Variants in HSP90AA1 observed in about 807,000 individuals in gnomAD.
HSP90AA1 encodes heat shock protein HSP 90-alpha.
A neutral mutation model predicts 73.3 loss-of-function variants in HSP90AA1; 18 were observed. That is an observed-to-expected ratio of 0.25 (90% CI 0.17 to 0.36). The LOEUF (loss-of-function observed/expected upper bound fraction) is 0.36. HSP90AA1 is among the 10% of genes least tolerant of loss of function. HSP90AA1 has a pLI of 1.00. For synonymous variants in HSP90AA1, 477 were observed against 296.9 expected (o/e 1.61, Z -6.24); for missense variants, 704 against 874.2 (o/e 0.81, Z 2.45).
exon 2 of HSP90AA1, chr14:102,102,037 C>A: frequency 6.2e-7 from 1 of 1,614,040 alleles, no homozygotes; most frequent in Non-Finnish European, 8.5e-7. Flanking sequence ...CCATCAGATG[C>A]CAGAGAAACA....
intron 1 of HSP90AA1, among the ~76,000 whole-genome samples, chr14:102,136,349 A>G (rs1488712535): frequency 6.6e-6 from 1 of 150,676 alleles, no homozygotes; most frequent in Non-Finnish European, 1.5e-5. Flanking sequence ...TGGGCGGATC[A>G]CGAGGTCAGG....
At chr14:102,102,217 G>T in intron 1 of HSP90AA1, 2 of 751,356 alleles carry the variant, frequency 2.7e-6, no homozygotes, top group Non-Finnish European at 4.7e-6. Context: ...ACTGTCAAAT[G>T]GATTAAAATA....
upstream of HSP90AA1, chr14:102,139,728 A>T (rs1375877678): frequency 3.7e-6 from 3 of 817,802 alleles, no homozygotes; most frequent in African/African-American, 3.5e-5. Context: ...GGAGCACGCC[A>T]GGTGAGCACG....
intron 2 of HSP90AA1, among the ~76,000 whole-genome samples, chr14:102,094,434 T>G (rs1303186917): frequency 1.3e-5 from 2 of 152,144 alleles, no homozygotes; most frequent in East Asian, 3.9e-4. Flanking sequence ...CCCCACCACC[T>G]AAATATGTGG....
chr14:102,087,297 G>C (rs748107769), upstream of HSP90AA1: 54 of 420,482 alleles, frequency 1.3e-4, no homozygotes, highest in Non-Finnish European at 1.6e-4. Flanking sequence ...CCCCCGCGCC[G>C]GCCTCAATGC....
intron 1 of HSP90AA1, among the ~76,000 whole-genome samples, chr14:102,131,959 G>A (rs1264201771): frequency 1.3e-5 from 2 of 152,216 alleles, no homozygotes; most frequent in Admixed American, 6.5e-5. Context: ...AATACAGGCT[G>A]GCTGTGGTGG....
intron 1 of HSP90AA1, 43 bp downstream of exon 1, chr14:102,086,943 G>A (rs2049256312): frequency 5.2e-6 from 5 of 953,670 alleles, no homozygotes; most frequent in South Asian, 4.8e-5. Context: ...CCCCAGTCCC[G>A]GTCCCCAGTC....
intron 1 of HSP90AA1, among the ~76,000 whole-genome samples, chr14:102,125,015 G>A (rs1205999490): frequency 7.2e-5 from 11 of 152,068 alleles, no homozygotes; most frequent in Non-Finnish European, 1.6e-4. Context: ...TTTTTGAGAT[G>A]AAGTCTCACT....
At chr14:102,086,435 A>G (rs1441537005) in intron 1 of HSP90AA1, 57 bp from the exon 2 acceptor site, 6 of 1,584,840 alleles carry the variant, frequency 3.8e-6, no homozygotes, top group Non-Finnish European at 5.2e-6. Context: ...AGGCAACACG[A>G]AATTCCATCG....
chr14:102,108,007 G>C (rs76055364), intron 1 of HSP90AA1, among the ~76,000 whole-genome samples: 2,635 of 149,876 alleles, frequency 0.018, 108 homozygotes, highest in African/African-American at 0.063. Flanking sequence ...GCTCACACCT[G>C]TAATACCAGC....
exon 1 of HSP90AA1, chr14:102,139,499 C>CA: frequency 6.8e-6 from 9 of 1,332,390 alleles, no homozygotes; most frequent in Non-Finnish European, 9.0e-6. Context: ...CGGCGCCCCT[C>CA]AGGGCAGGGC....
At chr14:102,081,987 C>T (rs1217734011) in intron 10 of HSP90AA1, 124 bp downstream of exon 10, 2 of 805,918 alleles carry the variant, frequency 2.5e-6, no homozygotes, top group Admixed American at 2.0e-5. Context: ...AAAAAACATA[C>T]TTTAATACCT....
At chr14:102,138,853 C>T (rs2050118867) in intron 1 of HSP90AA1, among the ~76,000 whole-genome samples, 1 of 152,180 alleles carries the variant, frequency 6.6e-6, no homozygotes, top group African/African-American at 2.4e-5. Context: ...TACTTTGACA[C>T]GTGTGCCCGT....
At chr14:102,128,394 G>A (rs559980194) in intron 1 of HSP90AA1, among the ~76,000 whole-genome samples, 8 of 152,092 alleles carry the variant, frequency 5.3e-5, no homozygotes, top group Non-Finnish European at 7.3e-5. Context: ...TTGGGAGGCC[G>A]AGGTGGGTGG....
chr14:102,110,171 G>A (rs552351447), intron 1 of HSP90AA1, among the ~76,000 whole-genome samples: 5 of 152,208 alleles, frequency 3.3e-5, no homozygotes, highest in Non-Finnish European at 7.4e-5. Flanking sequence ...CTGACCTTGT[G>A]ATCCACCTGC....
At chr14:102,093,982 A>C (rs2152617290) in intron 2 of HSP90AA1, among the ~76,000 whole-genome samples, 1 of 63,722 alleles carries the variant, frequency 1.6e-5, no homozygotes, top group Admixed American at 2.1e-4. Context: ...AAGAAAAAAG[A>C]AGGAAGGTGG....
upstream of HSP90AA1, among the ~76,000 whole-genome samples, chr14:102,088,481 C>T (rs1420322518): frequency 2.6e-5 from 4 of 152,230 alleles, no homozygotes; most frequent in African/African-American, 7.2e-5. Context: ...CTGGGACCCC[C>T]TTAAGAGCGT....
In HSP90AA1 at chr14:102,124,630, C is replaced by T. The variant is rs1282412147; in HGVS notation, c.155+14620G>A. Among the ~76,000 whole-genome samples the T allele has an allele frequency of 2.0e-5, 3 of 152,074 alleles. No individual in the cohort carries two copies. The East Asian group carries it at 5.8e-4, about 29-fold the overall frequency. On this transcript the variant is annotated intron_variant, in intron 1 of 11. Coordinates refer to the HSP90AA1 transcript ENST00000334701. ...TGATTCACAATGTAAACTTGAACTCCTGGCCTCAAGCAATCCTCCTGCCTC... is the reference window on the plus strand; with the variant it reads ...TGATTCACAATGTAAACTTGAACTCTTGGCCTCAAGCAATCCTCCTGCCTC...
chr14:102,101,921 T>C lies in HSP90AA1; in HGVS notation c.320A>G (p.Gln107Arg), dbSNP rs35446359. Residue 107 changes from glutamine to arginine, a missense_variant, in exon 2 of 12, where the codon CAA becomes CGA. By Grantham distance (43) the Gln-to-Arg change is conservative (BLOSUM62 1). Transcript: ENST00000334701. ...TGGCTGCAGATCCTTGTAGAGGTGT[T>C]GCCCTGCACCTTGGCTCTGTCTGAA... 841 of 1,614,192 alleles carry C rather than the reference T, an allele frequency of 5.2e-4. 6 individuals carry two copies. In the African/African-American group the frequency reaches 9.8e-3, roughly 19 times the overall value.
Sources: allele counts gnomAD v4.1 joint callset (sites outside exome capture counted in the v4.1 genomes callset), GRCh38; gene constraint gnomAD v4.1.1; transcripts MANE v1.5; gene names NCBI Gene and HGNC (gene_info 2026-07-23, HGNC 2026-07-21).